Variants in GIMAP1 observed in about 807,000 individuals in gnomAD.
GIMAP1 encodes the protein GTPase, IMAP family member 1.
For synonymous variants in GIMAP1, 230 were observed against 187.7 expected, an observed-to-expected ratio of 1.23 and a Z score of -1.84; for missense variants, 423 against 411.9, an observed-to-expected ratio of 1.03 and a Z score of -0.23.
rs763886483 is a variant in GIMAP1 at position 150,720,114 on chromosome 7, G to A, written c.110G>A (p.Gly37Glu). ...TRRLILVGRT[G>E]AGKSATGNSI... ...AGGCTCATCCTTGTTGGGAGAACAG[G>A]GGCCGGGAAGAGCGCCACTGGGAAC... Residue 37 changes from glycine to glutamate, a missense_variant, in exon 3 of 3, where the codon GGG (glycine) becomes GAG (glutamate). Physicochemically the swap from Gly to Glu is moderately conservative, Grantham distance 98. Transcript: ENST00000307194. The surrounding 1 kb of genome is among the most constrained non-coding windows in gnomAD (Gnocchi z 4.5). 8.1e-6 allele frequency: 13 copies of A among 1,613,916 alleles called. No individual in the cohort carries two copies. In the South Asian group the frequency reaches 1.3e-4, roughly 16 times the overall value.
At position 150,721,070 on chromosome 7, in the gene GIMAP1, G is replaced by T. The variant is rs974970738; in HGVS notation, c.*145G>T. The T allele has an allele frequency of 1.4e-6, 1 of 701,536 alleles. No individual in the cohort carries two copies. The highest frequency in any genetic ancestry group is 2.1e-6 in the Non-Finnish European group (1 of 467,114). 43.5% of individuals were successfully genotyped at this position (701,536 alleles called of 1,614,324 possible). On this transcript the variant is annotated 3_prime_UTR_variant, in exon 3 of 3. Transcript: ENST00000307194. ...CAGAAAACTTTGCTGCATCACCTTT[G>T]CAACTTTGCCAAAGCTCAGAGTTCA...
Position 150,720,039 on chromosome 7 carries a change from G to T in GIMAP1, c.44-9G>T. On this transcript the variant is annotated splice_polypyrimidine_tract_variant and intron_variant, in intron 2 of 2. Coordinates refer to ENST00000307194, the MANE Select transcript of GIMAP1 (RefSeq NM_130759.4). This position sits in a 1 kb window ranked among gnomAD's most constrained non-coding sequence, Gnocchi z 4.5. ...AACTTAAGTAAGATTATAACACTTG[G>T]TCTCACAGGTTTAGAAGAGAACGCT... 6.4e-7 allele frequency: 1 copy of T among 1,561,798 alleles called. No individual in the cohort carries two copies. The highest frequency in any genetic ancestry group is 8.7e-7 in the Non-Finnish European group (1 of 1,152,036).
Position 150,723,344 on chromosome 7 carries a change from A to G in GIMAP1, c.*2419A>G, listed in dbSNP as rs562442752. On this transcript the variant is annotated 3_prime_UTR_variant, in exon 3 of 3. Coordinates refer to ENST00000307194, the MANE Select transcript of GIMAP1 (RefSeq NM_130759.4). ...TGTACCTTTTTAATATTAGATTTCTAGCTACCAGACTTTTGACCATTTTCT... is the reference window on the plus strand; with the variant it reads ...TGTACCTTTTTAATATTAGATTTCTGGCTACCAGACTTTTGACCATTTTCT... 4 of 152,266 alleles carry G rather than the reference A, an allele frequency of 2.6e-5. No individual in the cohort carries two copies. Among genetic ancestry groups the G allele is most frequent in the South Asian group, 4.1e-4 (2 of 4,828 alleles). The allele number at this position is 152,266 out of a possible 1,614,324, so 9.4% of individuals were successfully genotyped here.
chr7:150,720,135 G>A lies in GIMAP1; in HGVS notation c.131G>A (p.Gly44Glu), dbSNP rs779713323. The A allele has an allele frequency of 6.2e-7, 1 of 1,614,052 alleles. No individual in the cohort carries two copies. The highest frequency in any genetic ancestry group is 1.7e-5 in the Admixed American group (1 of 60,034). Residue 44 changes from glycine to glutamate, a missense_variant, in exon 3 of 3, where the codon GGG becomes GAG. By Grantham distance (98) the Gly-to-Glu change is moderately conservative (BLOSUM62 -2). Coordinates refer to ENST00000307194, the MANE Select transcript of GIMAP1 (RefSeq NM_130759.4). This position sits in a 1 kb window ranked among gnomAD's most constrained non-coding sequence, Gnocchi z 4.5. The stretch of plus-strand genomic sequence containing the variant: ...ACAGGGGCCGGGAAGAGCGCCACTG[G>A]GAACAGCATCCTGGGCCAGAGACGG... Reference protein sequence around the residue: ...GRTGAGKSATGNSILGQRRFF... With the variant: ...GRTGAGKSATENSILGQRRFF...
rs1225549075 is a variant in GIMAP1, at chr7:150,720,780, G to A, written c.776G>A (p.Trp259Ter). The change falls in exon 3 of 3, where the codon TGG becomes TAG. Residue 259 changes from tryptophan (W) to a stop codon, truncating the protein, a stop_gained. Transcript: ENST00000307194. LOFTEE classifies it low-confidence loss of function (END_TRUNC). The surrounding 1 kb of genome is among the most constrained non-coding windows in gnomAD (Gnocchi z 4.5). ...ARVQRRPWGA[W>*]LSARLWKWLK... ...GTGCAGAGGAGGCCATGGGGCGCCTGGCTGTCGGCCCGGCTGTGGAAGTGG... is the reference window on the plus strand; with the variant it reads ...GTGCAGAGGAGGCCATGGGGCGCCTAGCTGTCGGCCCGGCTGTGGAAGTGG... The A allele has an allele frequency of 1.9e-6, 3 of 1,577,400 alleles. No homozygotes were observed. In the Admixed American group the frequency reaches 5.5e-5, roughly 29 times the overall value.
rs1797326177 is a variant in GIMAP1 at position 150,722,761 on chromosome 7, C to G, written c.*1836C>G. On this transcript the variant is annotated 3_prime_UTR_variant, in exon 3 of 3. Coordinates refer to ENST00000307194, the MANE Select transcript of GIMAP1 (RefSeq NM_130759.4). ...GCAGTACTGCAATCACATTTATACC[C>G]ACTTTCAACTATATGCAAATTTAGG... The G allele has an allele frequency of 6.6e-6, 1 of 152,258 alleles. No homozygotes were observed. Among genetic ancestry groups the G allele is most frequent in the Admixed American group, 6.5e-5 (1 of 15,292 alleles). 9.4% of individuals were successfully genotyped at this position (152,258 alleles called of 1,614,324 possible).
chr7:150,720,528 G>T lies in GIMAP1; in HGVS notation c.524G>T (p.Arg175Leu), dbSNP rs368249123. ...AGCAACACAGAGAACCGGGCCTTGC[G>T]CGAGCTGGTGGCCGAGTGCGGGGGC... ...YVSNTENRALRELVAECGGRV... is the reference protein window; with the variant it reads ...YVSNTENRALLELVAECGGRV... The change falls in exon 3 of 3, where the codon CGC (arginine) becomes CTC (leucine). Residue 175 changes from arginine (R) to leucine (L), a missense_variant. Transcript: ENST00000307194. This position sits in a 1 kb window ranked among gnomAD's most constrained non-coding sequence, Gnocchi z 4.5. The T allele has an allele frequency of 1.2e-6, 2 of 1,606,556 alleles. No homozygotes were observed. Among genetic ancestry groups the T allele is most frequent in the African/African-American group, 2.7e-5 (2 of 74,842 alleles).
rs770558708 is a variant in GIMAP1, at chr7:150,724,114, G to A, written c.*3189G>A. 9 of 152,040 alleles carry A rather than the reference G, an allele frequency of 5.9e-5. No individual in the cohort carries two copies. Among genetic ancestry groups the A allele is most frequent in the Non-Finnish European group, 1.2e-4 (8 of 68,012 alleles). The allele number at this position is 152,040 out of a possible 1,614,324, so 9.4% of individuals were successfully genotyped here. On this transcript the variant is annotated 3_prime_UTR_variant, in exon 3 of 3. Coordinates refer to ENST00000307194, the MANE Select transcript of GIMAP1 (RefSeq NM_130759.4). ...ATTCACCTATGGATTCAGTACCCCAGAAGAGAATTTCTGTAAATTCTTGGG... is the reference window on the plus strand; with the variant it reads ...ATTCACCTATGGATTCAGTACCCCAAAAGAGAATTTCTGTAAATTCTTGGG...
rs1797298217 is a variant in GIMAP1, at chr7:150,721,164, A to C, written c.*239A>C. 1 of 398,040 alleles carries C rather than the reference A, an allele frequency of 2.5e-6. No individual in the cohort carries two copies. The highest frequency in any genetic ancestry group is 4.4e-6 in the Non-Finnish European group (1 of 227,452). 24.7% of individuals were successfully genotyped at this position (398,040 alleles called of 1,614,324 possible). On this transcript the variant is annotated 3_prime_UTR_variant, in exon 3 of 3. Coordinates refer to ENST00000307194, the MANE Select transcript of GIMAP1 (RefSeq NM_130759.4). ...TTTTAAAATAAATTCGTCTAACAAT[A>C]ACTTCCTTTGGTAGTTTTGGTAGTC...
In GIMAP1 at chr7:150,720,354, T is replaced by C. The variant is rs1360163053; in HGVS notation, c.350T>C (p.Leu117Pro). The C allele has an allele frequency of 6.2e-7, 1 of 1,611,032 alleles. No homozygotes were observed. Among genetic ancestry groups the C allele is most frequent in the Non-Finnish European group, 8.5e-7 (1 of 1,178,082 alleles). ...LSAPGPHALL[L>P]VTQLGRFTAQ... Reference sequence around the variant, plus strand: ...GCCCCCGGACCCCACGCGCTGCTCCTGGTGACCCAGTTGGGTCGGTTCACC... The same window carrying C: ...GCCCCCGGACCCCACGCGCTGCTCCCGGTGACCCAGTTGGGTCGGTTCACC... The change falls in exon 3 of 3, where the codon CTG (leucine) becomes CCG (proline). Residue 117 changes from leucine to proline, a missense_variant. Leu to Pro is a moderately conservative substitution (Grantham distance 98). Coordinates refer to ENST00000307194, the MANE Select transcript of GIMAP1 (RefSeq NM_130759.4). The surrounding 1 kb of genome is among the most constrained non-coding windows in gnomAD (Gnocchi z 4.5).
In GIMAP1 at chr7:150,722,747, A is replaced by G. The variant is rs1797325872; in HGVS notation, c.*1822A>G. 3 of 152,258 alleles carry G rather than the reference A, an allele frequency of 2.0e-5. No homozygotes were observed. The highest frequency in any genetic ancestry group is 4.4e-5 in the Non-Finnish European group (3 of 68,050). The allele number at this position is 152,258 out of a possible 1,614,324, so 9.4% of individuals were successfully genotyped here. ...GTAGCAGCTCGGAAGCAGTACTGCA[A>G]TCACATTTATACCCACTTTCAACTA... is the stretch of plus-strand genomic sequence containing the variant. On this transcript the variant is annotated 3_prime_UTR_variant, in exon 3 of 3. Transcript: ENST00000307194.
Position 150,720,290 on chromosome 7 carries a change from C to G in GIMAP1, c.286C>G (p.Pro96Ala), listed in dbSNP as rs1563365406. The G allele has an allele frequency of 1.2e-6, 2 of 1,614,216 alleles. No individual in the cohort carries two copies. Among genetic ancestry groups the G allele is most frequent in the African/African-American group, 1.3e-5 (1 of 75,056 alleles). ...IFSSQVSKTD[P>A]GCEERGHCYL... The stretch of plus-strand genomic sequence containing the variant: ...CAGCTCCCAAGTGTCCAAGACAGAT[C>G]CTGGCTGTGAGGAGAGAGGTCACTG... The change falls in exon 3 of 3, where the codon CCT becomes GCT. Residue 96 changes from proline (P) to alanine (A), a missense_variant. Physicochemically the swap from Pro to Ala is conservative, Grantham distance 27. Coordinates refer to ENST00000307194, the MANE Select transcript of GIMAP1 (RefSeq NM_130759.4). The surrounding 1 kb of genome is among the most constrained non-coding windows in gnomAD (Gnocchi z 4.5).
chr7:150,721,802 A>AAAAAG lies in GIMAP1; in HGVS notation c.*892_*896dup, dbSNP rs1554517143. On this transcript the variant is annotated 3_prime_UTR_variant, in exon 3 of 3. Coordinates refer to ENST00000307194, the MANE Select transcript of GIMAP1 (RefSeq NM_130759.4). ...AAGCAAGAATCTGTCTCAAAAAAAA[A>AAAAAG]AAAAGAAAAGAAAAGAAAAAGAAAA... 7.1e-6 allele frequency: 1 copy of AAAAAG among 140,596 alleles called. No homozygotes were observed. Among genetic ancestry groups the AAAAAG allele is most frequent in the Non-Finnish European group, 1.5e-5 (1 of 66,778 alleles). 8.7% of individuals were successfully genotyped at this position (140,596 alleles called of 1,614,324 possible). A position where few individuals can be genotyped will look rare whatever the true frequency, so the allele number is the denominator to read the frequency against.
chr7:150,722,591 TC>T lies in GIMAP1; in HGVS notation c.*1668del, dbSNP rs1367439089. On this transcript the variant is annotated 3_prime_UTR_variant, in exon 3 of 3. Transcript: ENST00000307194. ...CAGCAGGGAGGGCACAGCGTGGTCGTCCACGGTCACTTGCGCACGAGCCAGT... is the reference window on the plus strand; with the variant it reads ...CAGCAGGGAGGGCACAGCGTGGTCGTCACGGTCACTTGCGCACGAGCCAGT... 3 of 152,274 alleles carry T rather than the reference TC, an allele frequency of 2.0e-5. No individual in the cohort carries two copies. The highest frequency in any genetic ancestry group is 7.2e-5 in the African/African-American group (3 of 41,464). The allele number at this position is 152,274 out of a possible 1,614,324, so 9.4% of individuals were successfully genotyped here. A position where few individuals can be genotyped will look rare whatever the true frequency, so the allele number is the denominator to read the frequency against.
chr7:150,720,674 G>A lies in GIMAP1; in HGVS notation c.670G>A (p.Val224Met). 6.2e-7 allele frequency: 1 copy of A among 1,602,446 alleles called. No homozygotes were observed. The highest frequency in any genetic ancestry group is 1.3e-5 in the African/African-American group (1 of 74,850). ...EHKGAHYSNE[V>M]YELAQVLRWA... ...CAAGGGCGCCCATTACTCCAACGAG[G>A]TGTATGAGCTGGCGCAGGTGCTGCG... The change falls in exon 3 of 3, where the codon GTG becomes ATG. Residue 224 changes from valine (V) to methionine (M), a missense_variant. Val to Met is a conservative substitution (Grantham distance 21, BLOSUM62 1). Coordinates refer to ENST00000307194, the MANE Select transcript of GIMAP1 (RefSeq NM_130759.4). This position sits in a 1 kb window ranked among gnomAD's most constrained non-coding sequence, Gnocchi z 4.5.
chr7:150,718,052 G>C (rs1797241842), intron 1 of GIMAP1, among the ~76,000 whole-genome samples: 1 of 150,244 alleles, frequency 6.7e-6, no homozygotes, highest in Non-Finnish European at 1.5e-5. Flanking sequence ...ACAGACAGAT[G>C]GTCGGGGAGG....
chr7:150,720,895 G>C lies in GIMAP1; in HGVS notation c.891G>C (p.Ser297=). 6.3e-7 allele frequency: 1 copy of C among 1,589,096 alleles called. No homozygotes were observed. The highest frequency in any genetic ancestry group is 8.5e-7 in the Non-Finnish European group (1 of 1,172,814). ...LFWVLLHRRW[S]EAVAEVGPD Reference sequence around the variant, plus strand: ...GGGTGCTGCTCCACAGGCGGTGGTCGGAGGCCGTTGCGGAGGTCGGGCCTG... The same window carrying C: ...GGGTGCTGCTCCACAGGCGGTGGTCCGAGGCCGTTGCGGAGGTCGGGCCTG... The change falls in exon 3 of 3, where the codon TCG becomes TCC. Residue 297 remains serine (S), a synonymous_variant. Transcript: ENST00000307194. This position sits in a 1 kb window ranked among gnomAD's most constrained non-coding sequence, Gnocchi z 4.5.
In GIMAP1 at chr7:150,720,217, C is replaced by A; in HGVS notation, c.213C>A (p.Arg71=). ...CCAGGGCCTGCACCACGGGCAGCCG[C>A]AGGTGGGACAAGTGCCACGTGGAAG... ...SVTRACTTGS[R]RWDKCHVEVV... The change falls in exon 3 of 3, where the codon CGC becomes CGA. Residue 71 remains arginine, a synonymous_variant. Coordinates refer to ENST00000307194, the MANE Select transcript of GIMAP1 (RefSeq NM_130759.4). The surrounding 1 kb of genome is among the most constrained non-coding windows in gnomAD (Gnocchi z 4.5). 1 of 1,614,172 alleles carries A rather than the reference C, an allele frequency of 6.2e-7. No individual in the cohort carries two copies. Among genetic ancestry groups the A allele is most frequent in the Non-Finnish European group, 8.5e-7 (1 of 1,180,018 alleles).
chr7:150,720,118 C>G lies in GIMAP1; in HGVS notation c.114C>G (p.Ala38=). The G allele has an allele frequency of 6.2e-7, 1 of 1,613,898 alleles. No individual in the cohort carries two copies. The highest frequency in any genetic ancestry group is 8.5e-7 in the Non-Finnish European group (1 of 1,179,996). ...TCATCCTTGTTGGGAGAACAGGGGCCGGGAAGAGCGCCACTGGGAACAGCA... is the reference window on the plus strand; with the variant it reads ...TCATCCTTGTTGGGAGAACAGGGGCGGGGAAGAGCGCCACTGGGAACAGCA... The part of the protein sequence containing the change: ...RRLILVGRTG[A]GKSATGNSIL... The change falls in exon 3 of 3, where the codon GCC becomes GCG. Residue 38 remains alanine, a synonymous_variant. Transcript: ENST00000307194. The surrounding 1 kb of genome is among the most constrained non-coding windows in gnomAD (Gnocchi z 4.5).
Sources: gnomAD v4.1 joint callset for allele counts (sites outside exome capture counted in the v4.1 genomes callset) on GRCh38, gnomAD v4.1.1 for gene constraint, Gnocchi (gnomAD v3.1) non-coding constraint, MANE v1.5 for transcripts, NCBI Gene and HGNC (gene_info 2026-07-23, HGNC 2026-07-21) for gene names.